COL11A1: variants seen among roughly 807,000 people sequenced by gnomAD.
COL11A1 encodes collagen type XI alpha 1 chain, also known as collagen alpha-1(XI) chain.
COL11A1 carries 74 observed loss-of-function variants against 265.2 expected under a neutral mutation model. That is an observed-to-expected ratio of 0.28 (90% confidence interval 0.23 to 0.34). The LOEUF (loss-of-function observed/expected upper bound fraction) is 0.34, where lower values mean the gene tolerates loss of function less well. Ranked by LOEUF, COL11A1 falls within the 10% of genes least tolerant of loss-of-function variation. The pLI is 1.00. For synonymous variants in COL11A1, 816 were observed against 727.6 expected (o/e 1.12, Z -1.96); for missense variants, 2,165 against 2,263.6 (o/e 0.96, Z 0.88).
intron 4 of COL11A1, among the ~76,000 whole-genome samples, chr1:103,068,979 A>T (rs1166059116): frequency 6.6e-6 from 1 of 151,734 alleles, no homozygotes; most frequent in East Asian, 1.9e-4. Context: ...CATGATTTTT[A>T]AAAATTTCAA....
In COL11A1 at chr1:102,995,420, C is replaced by G. The variant is rs1052442647; in HGVS notation, c.2340+444G>C. Among the ~76,000 whole-genome samples, 9 of 151,982 alleles carry G rather than the reference C, an allele frequency of 5.9e-5. No homozygotes were observed. In the East Asian group the frequency reaches 1.5e-3, roughly 26 times the overall value. ...CTATATAGAAAGACTTCCTCTTTCC[C>G]CAATTAATTTAGTGTACTTCTAACT... On this transcript the variant is annotated intron_variant, in intron 28 of 66. Coordinates refer to ENST00000370096, the MANE Select transcript of COL11A1 (RefSeq NM_001854.4).
rs749449860 is a variant in COL11A1, at chr1:102,899,625, A to AT, written c.4087-632dup. Among the ~76,000 whole-genome samples, 8 of 152,308 alleles carry AT rather than the reference A, an allele frequency of 5.3e-5. No homozygotes were observed. The East Asian group carries it at 1.5e-3, about 29-fold the overall frequency. ...TACACTTTAGATGCCATCCAAAAGCATAAGTACAGAATGACTGAAAAAGAA... is the reference window on the plus strand; with the variant it reads ...TACACTTTAGATGCCATCCAAAAGCATTAAGTACAGAATGACTGAAAAAGAA... On this transcript the variant is annotated intron_variant, in intron 54 of 66. Coordinates refer to ENST00000370096, the MANE Select transcript of COL11A1 (RefSeq NM_001854.4).
At chr1:103,052,796 T>C (rs1436917355) in intron 4 of COL11A1, among the ~76,000 whole-genome samples, 1 of 152,122 alleles carries the variant, frequency 6.6e-6, no homozygotes, top group Non-Finnish European at 1.5e-5. Flanking sequence ...ATAAACACCG[T>C]GACAAACTTT....
chr1:103,004,231 C>A (rs1665390209), intron 20 of COL11A1, among the ~76,000 whole-genome samples: 1 of 152,008 alleles, frequency 6.6e-6, no homozygotes, highest in Non-Finnish European at 1.5e-5. Context: ...ATGTTACATT[C>A]CACAGATTTT....
chr1:103,004,908 A>G (rs1033252472), intron 18 of COL11A1, among the ~76,000 whole-genome samples: 1 of 150,672 alleles, frequency 6.6e-6, no homozygotes, highest in Non-Finnish European at 1.5e-5. Flanking sequence ...CAAAAGAGTT[A>G]TGTAAAATAA....
At chr1:102,943,183 C>T (rs1658908444) in intron 42 of COL11A1, among the ~76,000 whole-genome samples, 1 of 151,966 alleles carries the variant, frequency 6.6e-6, no homozygotes, top group African/African-American at 2.4e-5. Flanking sequence ...AGTACTTCCA[C>T]CTATGGCTCA....
In COL11A1 at chr1:103,026,340, G is replaced by A. The variant is rs771497865; in HGVS notation, c.781-8C>T. ...TATATCCTCTGGTGCATACTACATT[G>A]CAAAGGAAAAAATATCAGGCAATTG... On this transcript the variant is annotated splice_polypyrimidine_tract_variant and splice_region_variant and intron_variant, in intron 5 of 66. Coordinates refer to ENST00000370096, the MANE Select transcript of COL11A1 (RefSeq NM_001854.4). 2 of 1,578,700 alleles carry A rather than the reference G, an allele frequency of 1.3e-6. No individual in the cohort carries two copies. Among genetic ancestry groups the A allele is most frequent in the South Asian group, 2.2e-5 (2 of 90,366 alleles).
In COL11A1 at chr1:103,074,731, C is replaced by T. The variant is rs765782213; in HGVS notation, c.538G>A (p.Val180Ile). The change falls in exon 4 of 67, where the codon GTT becomes ATT. Residue 180 changes from valine to isoleucine, a missense_variant. Transcript: ENST00000370096. ...SVEKKTVTMI[V>I]DCKKKTTKPL... The stretch of plus-strand genomic sequence containing the variant: ...TTCGTGGTTTTCTTCTTACAATCAA[C>T]AATCATTGTCACAGTTTTCTTCTCC... The T allele has an allele frequency of 1.2e-6, 2 of 1,613,318 alleles. No individual in the cohort carries two copies. Among genetic ancestry groups the T allele is most frequent in the Non-Finnish European group, 1.7e-6 (2 of 1,179,576 alleles).
intron 29 of COL11A1, 84 bp downstream of exon 29, chr1:102,989,434 T>C: frequency 1.3e-6 from 1 of 744,572 alleles, no homozygotes; most frequent in Non-Finnish European, 2.1e-6. Context: ...TATCATATGC[T>C]TACTATATTT....
At chr1:103,098,367 A>G (rs977798045) in intron 1 of COL11A1, among the ~76,000 whole-genome samples, 1 of 151,876 alleles carries the variant, frequency 6.6e-6, no homozygotes, top group Non-Finnish European at 1.5e-5. Flanking sequence ...TTATTTATAT[A>G]TTGGTTTCCT....
intron 1 of COL11A1, among the ~76,000 whole-genome samples, chr1:103,094,357 C>A (rs1225132888): frequency 6.6e-6 from 1 of 152,114 alleles, no homozygotes; most frequent in Non-Finnish European, 1.5e-5. Context: ...TTCAAGACTG[C>A]TTTTGCCTTC....
chr1:103,047,653 G>T lies in COL11A1; in HGVS notation c.652-16409C>A, dbSNP rs573001712. On this transcript the variant is annotated intron_variant, in intron 4 of 66. Coordinates refer to ENST00000370096, the MANE Select transcript of COL11A1 (RefSeq NM_001854.4). Reference sequence around the variant, plus strand: ...TTCCAACGCTATGTTGAATAGGAGTGGTGAGAGAGGGCATCCCTGTCTTGT... The same window carrying T: ...TTCCAACGCTATGTTGAATAGGAGTTGTGAGAGAGGGCATCCCTGTCTTGT... Among the ~76,000 whole-genome samples the T allele has an allele frequency of 2.6e-5, 4 of 152,318 alleles. No homozygotes were observed. In the East Asian group the frequency reaches 5.8e-4, roughly 22 times the overall value.
At chr1:103,017,719 C>T (rs1666677176) in intron 11 of COL11A1, 101 bp downstream of exon 11, 4 of 1,002,588 alleles carry the variant, frequency 4.0e-6, no homozygotes, top group Admixed American at 3.4e-5. Flanking sequence ...TTACCCCTCC[C>T]ACACGCAGTA....
At chr1:103,062,717 T>C (rs1280302969) in intron 4 of COL11A1, among the ~76,000 whole-genome samples, 1 of 152,038 alleles carries the variant, frequency 6.6e-6, no homozygotes, top group African/African-American at 2.4e-5. Context: ...CTGTTAATAT[T>C]GCATTTCTAC....
chr1:103,069,639 T>C (rs1368618550), intron 4 of COL11A1, among the ~76,000 whole-genome samples: 1 of 152,024 alleles, frequency 6.6e-6, no homozygotes, highest in African/African-American at 2.4e-5. Context: ...AAAAAATATT[T>C]GCAAACATAT....
chr1:103,107,723 T>C (rs1674820207), intron 1 of COL11A1, among the ~76,000 whole-genome samples: 1 of 152,178 alleles, frequency 6.6e-6, no homozygotes, highest in African/African-American at 2.4e-5. Context: ...GTCTAAAGAC[T>C]GTGCCTCAAA....
At chr1:102,959,658 A>T (rs6670486) in intron 41 of COL11A1, among the ~76,000 whole-genome samples, 94,946 of 152,052 alleles carry the variant, frequency 0.62, 31,490 homozygotes, top group East Asian at 0.91. Flanking sequence ...GTTGCATATA[A>T]CAAAGTAAGT....
At chr1:103,038,961 G>A (rs1451511039) in intron 4 of COL11A1, among the ~76,000 whole-genome samples, 7 of 152,138 alleles carry the variant, frequency 4.6e-5, no homozygotes, top group Admixed American at 3.3e-4. Flanking sequence ...ACAGAGGAAC[G>A]TAGAGCAATT....
At chr1:102,904,366 T>G (rs1350627635) in intron 54 of COL11A1, among the ~76,000 whole-genome samples, 1 of 151,984 alleles carries the variant, frequency 6.6e-6, no homozygotes, top group Non-Finnish European at 1.5e-5. Flanking sequence ...AAGCCAAAAT[T>G]GACAAATGGG....
Sources: gnomAD v4.1 joint callset for allele counts (sites outside exome capture counted in the v4.1 genomes callset) on GRCh38, gnomAD v4.1.1 for gene constraint, MANE v1.5 for transcripts, NCBI Gene and HGNC (gene_info 2026-07-23, HGNC 2026-07-21) for gene names.